The following CSMD2 variants were observed in gnomAD, a reference collection of about 807,000 sequenced individuals.
CSMD2 encodes CUB and Sushi multiple domains 2, also known as CUB and sushi domain-containing protein 2.
CSMD2 carries 130 observed loss-of-function variants against 398.5 expected under a neutral mutation model. The observed-to-expected ratio is 0.33, with a 90% CI of 0.28 to 0.38. CSMD2 has a LOEUF of 0.38. Among genes scored for constraint, CSMD2 ranks in the 10% least tolerant of loss-of-function variants. The pLI is 1.00. For synonymous variants in CSMD2, 1,828 were observed against 1,908.5 expected, an observed-to-expected ratio of 0.96 and a Z score of 1.10; for missense variants, 3,829 against 4,764.9, an observed-to-expected ratio of 0.80 and a Z score of 5.78.
intron 10 of CSMD2, among the ~76,000 whole-genome samples, chr1:33,808,839 T>C (rs1656526373): frequency 1.3e-5 from 2 of 151,698 alleles, no homozygotes; most frequent in Non-Finnish European, 3.0e-5. Flanking sequence ...CCACTGCCAA[T>C]ACCAATTAAA....
intron 10 of CSMD2, among the ~76,000 whole-genome samples, chr1:33,796,495 C>T (rs1187302027): frequency 6.6e-6 from 1 of 152,164 alleles, no homozygotes; most frequent in African/African-American, 2.4e-5. Context: ...TTATCAGTTC[C>T]CAAAATTAAT....
chr1:34,158,326 C>T (rs1445808774), intron 1 of CSMD2, among the ~76,000 whole-genome samples: 1 of 152,088 alleles, frequency 6.6e-6, no homozygotes, highest in African/African-American at 2.4e-5. Flanking sequence ...GCAGGTTCAC[C>T]CCGATGTTCC....
At chr1:33,955,457 T>C (rs1645137320) in intron 3 of CSMD2, among the ~76,000 whole-genome samples, 1 of 152,070 alleles carries the variant, frequency 6.6e-6, no homozygotes, top group Admixed American at 6.5e-5. Flanking sequence ...GTGAGTGCTG[T>C]TATACCTTCT....
intron 13 of CSMD2, among the ~76,000 whole-genome samples, chr1:33,769,563 C>T (rs1650989129): frequency 6.6e-6 from 1 of 152,166 alleles, no homozygotes. Context: ...TGAGCATCTA[C>T]TACTGTGAGG....
chr1:33,788,900 T>C (rs1364141872), intron 11 of CSMD2, among the ~76,000 whole-genome samples, 188 bp from the exon 12 acceptor site: 1 of 152,170 alleles, frequency 6.6e-6, no homozygotes, highest in African/African-American at 2.4e-5. Flanking sequence ...ACTCATCCTG[T>C]CTTCCCCTTG....
chr1:33,902,026 A>G (rs1435324742), intron 5 of CSMD2, among the ~76,000 whole-genome samples: 2 of 152,208 alleles, frequency 1.3e-5, no homozygotes, highest in East Asian at 3.8e-4. Flanking sequence ...AAAATGGTTA[A>G]AAATACTGAA....
At chr1:33,911,034 T>C (rs1423230387) in intron 5 of CSMD2, among the ~76,000 whole-genome samples, 2 of 152,238 alleles carry the variant, frequency 1.3e-5, no homozygotes, top group Non-Finnish European at 2.9e-5. Flanking sequence ...AGCATTTAAT[T>C]ATATTCTGCC....
chr1:34,103,139 C>T (rs1488812553), intron 1 of CSMD2, among the ~76,000 whole-genome samples: 1 of 152,066 alleles, frequency 6.6e-6, no homozygotes, highest in Non-Finnish European at 1.5e-5. Flanking sequence ...AAACTCATTA[C>T]CTTCTCCAGA....
At position 33,622,263 on chromosome 1, in the gene CSMD2, C is replaced by G. The variant is rs770641551; in HGVS notation, c.5731G>C (p.Val1911Leu). The change falls in exon 37 of 71, where the codon GTG becomes CTG. Residue 1911 changes from valine (V) to leucine (L), a missense_variant. Val to Leu is a conservative substitution (Grantham distance 32, BLOSUM62 1). Transcript: ENST00000373381. ...GAGGTGCTGTTCAGAAGGGCAGGCA[C>G]GGTTGTTCCTAGGGCAAGGACACCA... ...TMLGSFSGTT[V>L]PALLNSTSNQ... 1 of 1,613,680 alleles carries G rather than the reference C, an allele frequency of 6.2e-7. No homozygotes were observed. Among genetic ancestry groups the G allele is most frequent in the Admixed American group, 1.7e-5 (1 of 60,024 alleles).
At chr1:34,056,484 A>G (rs1020833908) in intron 2 of CSMD2, among the ~76,000 whole-genome samples, 1 of 152,232 alleles carries the variant, frequency 6.6e-6, no homozygotes, top group African/African-American at 2.4e-5. Flanking sequence ...TAAAGCTAGT[A>G]GTGCTTTGTT....
intron 44 of CSMD2, among the ~76,000 whole-genome samples, chr1:33,595,876 G>A (rs1401213864): frequency 6.6e-6 from 1 of 152,190 alleles, no homozygotes; most frequent in African/African-American, 2.4e-5. Flanking sequence ...TACTATTGAA[G>A]AATCACTGCT....
At chr1:33,704,535 G>T (rs566286384) in intron 22 of CSMD2, among the ~76,000 whole-genome samples, 1 of 152,280 alleles carries the variant, frequency 6.6e-6, no homozygotes, top group Admixed American at 6.5e-5. Context: ...AGTGGGTGTT[G>T]AACTTAATCA....
intron 6 of CSMD2, among the ~76,000 whole-genome samples, chr1:33,845,048 C>A (rs1661220767): frequency 6.6e-6 from 1 of 152,102 alleles, no homozygotes; most frequent in South Asian, 2.1e-4. Flanking sequence ...TCATATTTTC[C>A]TTTTAGCTCT....
intron 1 of CSMD2, among the ~76,000 whole-genome samples, chr1:34,147,944 C>T (rs1335907535): frequency 6.6e-6 from 1 of 151,992 alleles, no homozygotes; most frequent in Non-Finnish European, 1.5e-5. Context: ...TGAGAATGGC[C>T]CCAGGACAGA....
At chr1:33,601,474 C>T (rs890904267) in intron 43 of CSMD2, among the ~76,000 whole-genome samples, 4 of 152,216 alleles carry the variant, frequency 2.6e-5, no homozygotes, top group Non-Finnish European at 5.9e-5. Context: ...CCTTATCTAA[C>T]CCCTCCTGTC....
At chr1:34,122,266 T>C (rs1210635829) in intron 1 of CSMD2, among the ~76,000 whole-genome samples, 2 of 152,058 alleles carry the variant, frequency 1.3e-5, no homozygotes, top group East Asian at 3.9e-4. Context: ...CAGCCCAAAA[T>C]GCCCAAGGCT....
At position 33,739,307 on chromosome 1, in the gene CSMD2, G is replaced by C; in HGVS notation, c.2201C>G (p.Pro734Arg). 12 of 1,613,854 alleles carry C rather than the reference G, an allele frequency of 7.4e-6. No homozygotes were observed. The highest frequency in any genetic ancestry group is 1.0e-5 in the Non-Finnish European group (12 of 1,179,824). ...CCGTTTGCCATTTACTGGAACGCCA[G>C]GATCCGGGCACTCGTTGTGTCGGAA... ...TTFRHNECPD[P>R]GVPVNGKRFG... is the part of the protein sequence containing the mutation. The change falls in exon 15 of 71, where the codon CCT becomes CGT. Residue 734 changes from proline (P) to arginine (R), a missense_variant. This residue lies in a region of CSMD2 where 2,001 missense variants were observed against 2,567.1 expected (regional missense o/e 0.78). Coordinates refer to ENST00000373381, the MANE Select transcript of CSMD2 (RefSeq NM_001281956.2).
intron 1 of CSMD2, among the ~76,000 whole-genome samples, chr1:34,135,616 C>CAAA (rs55936483): frequency 1.2e-5 from 1 of 82,622 alleles, no homozygotes; most frequent in Non-Finnish European, 2.3e-5. Context: ...GACTCCATCT[C>CAAA]AAAAAAAAAA....
chr1:33,868,633 G>A (rs1309749853), intron 5 of CSMD2, among the ~76,000 whole-genome samples: 1 of 152,180 alleles, frequency 6.6e-6, no homozygotes, highest in Non-Finnish European at 1.5e-5. Context: ...CTACTCAGGA[G>A]GCTGAGGCAG....
Sources: allele counts gnomAD v4.1 joint callset (sites outside exome capture counted in the v4.1 genomes callset), GRCh38; gene constraint gnomAD v4.1.1; regional missense constraint gnomAD v4.1.1; transcripts MANE v1.5; gene names NCBI Gene and HGNC (gene_info 2026-07-23, HGNC 2026-07-21).